WSCD2: variants seen among roughly 807,000 people sequenced by gnomAD.
WSCD2 encodes the protein sialate:O-sulfotransferase 2.
Under a neutral mutation model 55.7 loss-of-function variants are expected in WSCD2, and 28 were observed. The observed-to-expected ratio is 0.50, with a 90% CI of 0.37 to 0.69. WSCD2 has a LOEUF of 0.69. Ranked by LOEUF, WSCD2 falls within the 30% of genes least tolerant of loss-of-function variation. WSCD2 has a pLI of 0.00. For missense variants in WSCD2, 616 were observed against 762.1 expected (o/e 0.81, Z 2.26); for synonymous variants, 301 against 301.9 (o/e 1.00, Z 0.03).
intron 1 of WSCD2, among the ~76,000 whole-genome samples, chr12:108,138,253 G>A (rs1876425068): frequency 6.6e-6 from 1 of 152,202 alleles, no homozygotes; most frequent in South Asian, 2.1e-4. Context: ...ATTGGATGGA[G>A]TTGGGTGAGC....
In WSCD2 at chr12:108,178,342, C is replaced by A. The variant is rs186870938; in HGVS notation, c.-551-16940C>A. 2.5e-4 allele frequency among the ~76,000 whole-genome samples: 38 copies of A among 151,744 alleles called. 4 individuals carry two copies. The East Asian group carries it at 6.9e-3, about 28-fold the overall frequency. On this transcript the variant is annotated intron_variant, in intron 1 of 8. Transcript: ENST00000547525. Reference sequence around the variant, plus strand: ...TATGGTGACCAGCATCTGAAAAACACCCCCCCTAATAAAAAGTATAATCAC... The same window carrying A: ...TATGGTGACCAGCATCTGAAAAACAACCCCCCTAATAAAAAGTATAATCAC...
At chr12:108,242,835 C>A (rs1305662371) in intron 8 of WSCD2, among the ~76,000 whole-genome samples, 2 of 152,170 alleles carry the variant, frequency 1.3e-5, no homozygotes, top group Non-Finnish European at 2.9e-5. Flanking sequence ...TAAACCAATA[C>A]TAAGGAAAGA....
At chr12:108,150,071 G>A (rs1488621318) in intron 1 of WSCD2, among the ~76,000 whole-genome samples, 1 of 152,096 alleles carries the variant, frequency 6.6e-6, no homozygotes, top group Non-Finnish European at 1.5e-5. Context: ...ATTATGTGCT[G>A]GGCATTTGCT....
At position 108,244,665 on chromosome 12, in the gene WSCD2, T is replaced by G. The variant is rs867544401; in HGVS notation, c.1346-3326T>G. The stretch of plus-strand genomic sequence containing the variant: ...AATGTCTCCAAAGTCACATACCTCA[T>G]GTGGGGAGGAGCTGGGTCCTGAACC... On this transcript the variant is annotated intron_variant, in intron 8 of 8. Coordinates refer to ENST00000547525, the MANE Select transcript of WSCD2 (RefSeq NM_014653.4). 30 of 694,302 alleles carry G rather than the reference T, an allele frequency of 4.3e-5. No individual in the cohort carries two copies. The African/African-American group carries it at 4.9e-4, about 11-fold the overall frequency. The allele number at this position is 694,302 out of a possible 1,614,324, so 43.0% of individuals were successfully genotyped here.
At chr12:108,176,880 G>A (rs1880944064) in intron 1 of WSCD2, among the ~76,000 whole-genome samples, 1 of 152,062 alleles carries the variant, frequency 6.6e-6, no homozygotes, top group Non-Finnish European at 1.5e-5. Flanking sequence ...CTCCTGTCTA[G>A]ACGATTAGAA....
chr12:108,224,011 A>G (rs1887808916), intron 4 of WSCD2, among the ~76,000 whole-genome samples: 1 of 152,166 alleles, frequency 6.6e-6, no homozygotes, highest in Non-Finnish European at 1.5e-5. Flanking sequence ...CTTCAATGAA[A>G]CATTTGTCTC....
intron 1 of WSCD2, among the ~76,000 whole-genome samples, chr12:108,175,554 G>A (rs772328670): frequency 1.3e-5 from 2 of 152,242 alleles, no homozygotes; most frequent in Non-Finnish European, 2.9e-5. Context: ...GCTGCCTGCA[G>A]AGAAAGAACC....
intron 1 of WSCD2, among the ~76,000 whole-genome samples, chr12:108,179,957 C>T (rs1461431190): frequency 1.3e-5 from 2 of 150,714 alleles, no homozygotes; most frequent in African/African-American, 4.9e-5. Context: ...GCAGGAGAAT[C>T]TCTTGAACCT....
intron 2 of WSCD2, among the ~76,000 whole-genome samples, chr12:108,202,905 A>G (rs1326065918): frequency 6.6e-6 from 1 of 152,228 alleles, no homozygotes; most frequent in Non-Finnish European, 1.5e-5. Flanking sequence ...AGATGGACCT[A>G]TGGTAAAAAT....
At chr12:108,159,316 C>A (rs1592905502) in intron 1 of WSCD2, among the ~76,000 whole-genome samples, 1 of 152,312 alleles carries the variant, frequency 6.6e-6, no homozygotes, top group East Asian at 1.9e-4. Flanking sequence ...TTTCTGTACA[C>A]CATACTCAGT....
chr12:108,206,626 C>A (rs1490088656), intron 3 of WSCD2, among the ~76,000 whole-genome samples: 1 of 152,226 alleles, frequency 6.6e-6, no homozygotes, highest in Non-Finnish European at 1.5e-5. Context: ...TGTGGTTGTG[C>A]AACTGTGTCA....
rs1477272680 is a variant in WSCD2, at chr12:108,249,366, C to CAGGG, written c.*1024_*1027dup. 6.6e-6 allele frequency: 1 copy of CAGGG among 152,580 alleles called. No individual in the cohort carries two copies. Among genetic ancestry groups the CAGGG allele is most frequent in the Middle Eastern group, 3.2e-3 (1 of 316 alleles). 9.5% of individuals were successfully genotyped at this position (152,580 alleles called of 1,614,324 possible). On this transcript the variant is annotated 3_prime_UTR_variant, in exon 9 of 9. Transcript: ENST00000547525. ...ATATCTCCCCTTGATCATAGTCCAA[C>CAGGG]AGGGCCAGCTTCCCTTGGGGGCCCT...
Position 108,232,749 on chromosome 12 carries a change from G to A in WSCD2, c.998G>A (p.Arg333Lys), listed in dbSNP as rs1220023701. 2.5e-6 allele frequency: 4 copies of A among 1,613,020 alleles called. No homozygotes were observed. The highest frequency in any genetic ancestry group is 1.3e-5 in the African/African-American group (1 of 74,922). Residue 333 changes from arginine to lysine, a missense_variant, in exon 7 of 9, where the codon AGA (arginine) becomes AAA (lysine). Arg to Lys is a conservative substitution (Grantham distance 26). This residue lies in a region of WSCD2 where 374 missense variants were observed against 467.4 expected (regional missense o/e 0.80). Transcript: ENST00000547525. ...TQVQDNRCMDRRFLPGKSKQL... is the reference protein window; with the variant it reads ...TQVQDNRCMDKRFLPGKSKQL... ...TTTTCAGACAACCGTTGCATGGACA[G>A]AAGGTTCCTGCCAGGCAAGTCCAAG...
intron 1 of WSCD2, among the ~76,000 whole-genome samples, chr12:108,166,918 T>G (rs1879727216): frequency 6.6e-6 from 1 of 151,654 alleles, no homozygotes; most frequent in Non-Finnish European, 1.5e-5. Context: ...TCCAAGTGAT[T>G]CTCCTGCCTC....
chr12:108,132,372 A>G (rs926758358), intron 1 of WSCD2, among the ~76,000 whole-genome samples: 6 of 152,182 alleles, frequency 3.9e-5, no homozygotes, highest in Admixed American at 3.9e-4. Flanking sequence ...ATATGTGTGC[A>G]TTCTCATGCA....
In WSCD2 at chr12:108,240,361, G is replaced by C. The variant is rs371344222; in HGVS notation, c.1162G>C (p.Asp388His). ...GCGGGAAGGGTTTAAAGGTGAGCGGGACCACTGGCGCAGCGGACGGACCAT... is the reference window on the plus strand; with the variant it reads ...GCGGGAAGGGTTTAAAGGTGAGCGGCACCACTGGCGCAGCGGACGGACCAT... ...LYNKGFKGER[D>H]HWRSGRTICI... The change falls in exon 8 of 9, where the codon GAC (aspartate) becomes CAC (histidine). Residue 388 changes from aspartate to histidine, a missense_variant. Physicochemically the swap from Asp to His is moderately conservative, Grantham distance 81. Coordinates refer to ENST00000547525, the MANE Select transcript of WSCD2 (RefSeq NM_014653.4). The C allele has an allele frequency of 1.2e-6, 2 of 1,613,946 alleles. No individual in the cohort carries two copies. The highest frequency in any genetic ancestry group is 1.7e-6 in the Non-Finnish European group (2 of 1,180,032).
intron 1 of WSCD2, chr12:108,167,490 G>C (rs1234311817): frequency 6.6e-6 from 1 of 152,124 alleles, no homozygotes; most frequent in Non-Finnish European, 1.5e-5. Context: ...TACAACTTGA[G>C]TAAGACCAAA....
At chr12:108,233,559 T>A (rs1268708808) in intron 7 of WSCD2, among the ~76,000 whole-genome samples, 1 of 152,210 alleles carries the variant, frequency 6.6e-6, no homozygotes, top group Non-Finnish European at 1.5e-5. Flanking sequence ...TAACCCTGCA[T>A]AGAAACCCTG....
At chr12:108,222,999 C>T (rs1351795967) in intron 4 of WSCD2, among the ~76,000 whole-genome samples, 2 of 152,190 alleles carry the variant, frequency 1.3e-5, no homozygotes, top group Non-Finnish European at 2.9e-5. Context: ...ATATGGCAGG[C>T]CAGCAGACTG....
Sources: allele counts gnomAD v4.1 joint callset (sites outside exome capture counted in the v4.1 genomes callset), GRCh38; gene constraint gnomAD v4.1.1; regional missense constraint gnomAD v4.1.1; transcripts MANE v1.5; gene names NCBI Gene and HGNC (gene_info 2026-07-23, HGNC 2026-07-21).